Variants in NPHP1 observed in about 807,000 individuals in gnomAD.
NPHP1 encodes the protein nephrocystin-1.
A neutral mutation model predicts 90.4 loss-of-function variants in NPHP1; 70 were observed. The observed-to-expected ratio is 0.77, with a 90% CI of 0.64 to 0.95. NPHP1 has a LOEUF of 0.95. Ranked by LOEUF, NPHP1 falls within the 40% of genes least tolerant of loss-of-function variation. The pLI is 0.00. For missense variants in NPHP1, 764 were observed against 795.9 expected, an observed-to-expected ratio of 0.96 and a Z score of 0.48; for synonymous variants, 256 against 271.7, an observed-to-expected ratio of 0.94 and a Z score of 0.57.
At chr2:110,125,254 T>C (rs1679265271) in intron 19 of NPHP1, 9 of 1,536,304 alleles carry the variant, frequency 5.9e-6, no homozygotes, top group Non-Finnish European at 7.8e-6. Flanking sequence ...GAGCAATGCA[T>C]TGTTTTCAAT....
At chr2:110,197,671 C>T (rs936757023) in intron 2 of NPHP1, among the ~76,000 whole-genome samples, 5 of 152,084 alleles carry the variant, frequency 3.3e-5, no homozygotes, top group African/African-American at 1.2e-4. Flanking sequence ...CAAAGGATGG[C>T]AGAGTGGAAT....
At position 110,168,394 on chromosome 2, in the gene NPHP1, T is replaced by C. The variant is rs1042218128; in HGVS notation, c.624+58A>G. ...TGACAAAAGAACACAGCTAAATGTT[T>C]TATTAAAAGCGAAAAAAAAAAAAGT... On this transcript the variant is annotated intron_variant, in intron 6 of 19. Transcript: ENST00000445609. 4.7e-6 allele frequency: 5 copies of C among 1,063,836 alleles called. No individual in the cohort carries two copies. The Admixed American group carries it at 5.4e-5, about 11-fold the overall frequency. 65.9% of individuals were successfully genotyped at this position (1,063,836 alleles called of 1,614,324 possible).
At chr2:110,159,141 G>A (rs1355697912) in intron 11 of NPHP1, among the ~76,000 whole-genome samples, 1 of 151,980 alleles carries the variant, frequency 6.6e-6, no homozygotes, top group Non-Finnish European at 1.5e-5. Context: ...AATTGGTTAT[G>A]ACATAATGTC....
At chr2:110,139,647 T>C (rs1421528739) in intron 16 of NPHP1, among the ~76,000 whole-genome samples, 1 of 152,204 alleles carries the variant, frequency 6.6e-6, no homozygotes, top group Non-Finnish European at 1.5e-5. Flanking sequence ...AAATGGGCAC[T>C]AATGCAAACT....
At chr2:110,143,961 A>T (rs916161015) in intron 15 of NPHP1, 6 of 364,738 alleles carry the variant, frequency 1.6e-5, no homozygotes, top group African/African-American at 1.0e-4. Context: ...TGGGGTCAGC[A>T]GAGGTGGCAT....
At chr2:110,196,448 C>G (rs1406310721) in intron 2 of NPHP1, among the ~76,000 whole-genome samples, 1 of 152,116 alleles carries the variant, frequency 6.6e-6, no homozygotes, top group East Asian at 1.9e-4. Flanking sequence ...ATCAAAACCA[C>G]AATGAGATAC....
At chr2:110,156,226 T>G (rs1287507365) in intron 11 of NPHP1, among the ~76,000 whole-genome samples, 3 of 151,910 alleles carry the variant, frequency 2.0e-5, no homozygotes, top group African/African-American at 7.3e-5. Flanking sequence ...TACAGGCACA[T>G]GCCACCATGG....
chr2:110,141,015 A>G lies in NPHP1; in HGVS notation c.1529+2527T>C, dbSNP rs561478414. 6.6e-5 allele frequency among the ~76,000 whole-genome samples: 10 copies of G among 152,302 alleles called. No individual in the cohort carries two copies. The East Asian group carries it at 1.7e-3, about 26-fold the overall frequency. ...CTTCCCTACTTCTTAATAATCTGTG[A>G]GCAATGAGCAGGTCATGGTGGGACA... On this transcript the variant is annotated intron_variant, in intron 16 of 19. Transcript: ENST00000445609.
chr2:110,150,545 C>T (rs1324425033), intron 11 of NPHP1, among the ~76,000 whole-genome samples: 1 of 151,726 alleles, frequency 6.6e-6, no homozygotes, highest in Non-Finnish European at 1.5e-5. Context: ...GTAAAAATGG[C>T]CTTTTATTTA....
rs566462087 is a variant in NPHP1 at position 110,174,699 on chromosome 2, G to A, written c.329+3724C>T. 3.4e-4 allele frequency among the ~76,000 whole-genome samples: 51 copies of A among 151,554 alleles called. 4 individuals carry two copies. The South Asian group carries it at 8.8e-3, about 26-fold the overall frequency. ...CAGCAAAAAATTTGAGTTGTCTGGC[G>A]TACACATTCCCAACTGAAGCTGAAC... On this transcript the variant is annotated intron_variant, in intron 4 of 19. Coordinates refer to ENST00000445609, the MANE Select transcript of NPHP1 (RefSeq NM_001128178.3).
Position 110,129,181 on chromosome 2 carries a change from C to T in NPHP1, c.1716+5G>A. On this transcript the variant is annotated splice_donor_5th_base_variant and intron_variant, in intron 18 of 19. Coordinates refer to ENST00000445609, the MANE Select transcript of NPHP1 (RefSeq NM_001128178.3). ...CAGGTTTCCATTGCAATGCATGCTACCCACCCTGAGAGCATCCATCACATC... is the reference window on the plus strand; with the variant it reads ...CAGGTTTCCATTGCAATGCATGCTATCCACCCTGAGAGCATCCATCACATC... 1 of 1,608,758 alleles carries T rather than the reference C, an allele frequency of 6.2e-7. No individual in the cohort carries two copies. Among genetic ancestry groups the T allele is most frequent in the South Asian group, 1.1e-5 (1 of 90,560 alleles).
intron 11 of NPHP1, among the ~76,000 whole-genome samples, chr2:110,157,118 C>T (rs1035471579): frequency 6.6e-6 from 1 of 152,120 alleles, no homozygotes; most frequent in Non-Finnish European, 1.5e-5. Flanking sequence ...ATTAAAGAAG[C>T]ACTCTTACAT....
intron 4 of NPHP1, among the ~76,000 whole-genome samples, chr2:110,172,982 C>T (rs1420084941): frequency 5.3e-5 from 7 of 131,428 alleles, no homozygotes; most frequent in East Asian, 4.2e-4. Context: ...TTTTTTGAGA[C>T]GGTGTCTCAT....
At chr2:110,166,947 G>A (rs887574706) in intron 6 of NPHP1, among the ~76,000 whole-genome samples, 2 of 152,012 alleles carry the variant, frequency 1.3e-5, no homozygotes, top group Non-Finnish European at 1.5e-5. Flanking sequence ...GAGAAGTGCT[G>A]TAAATGTAAA....
intron 16 of NPHP1, 81 bp from the exon 17 acceptor site, chr2:110,131,872 T>A (rs1679810373): frequency 2.1e-6 from 2 of 945,104 alleles, no homozygotes; most frequent in Non-Finnish European, 3.3e-6. Flanking sequence ...ATTACTTTAA[T>A]AAACAGTCCC....
At chr2:110,179,770 C>A (rs1253552629) in intron 2 of NPHP1, 86 bp from the exon 3 acceptor site, 4 of 667,046 alleles carry the variant, frequency 6.0e-6, no homozygotes, top group Non-Finnish European at 1.0e-5. Context: ...AGTCGTTGAG[C>A]AGGCAAGGCA....
In NPHP1 at chr2:110,129,170, A is replaced by G. The variant is rs1266408093; in HGVS notation, c.1716+16T>C. 6.2e-7 allele frequency: 1 copy of G among 1,601,596 alleles called. No individual in the cohort carries two copies. The highest frequency in any genetic ancestry group is 8.6e-7 in the Non-Finnish European group (1 of 1,169,454). On this transcript the variant is annotated intron_variant, in intron 18 of 19. Coordinates refer to ENST00000445609, the MANE Select transcript of NPHP1 (RefSeq NM_001128178.3). ...CCATAAGCCAGCAGGTTTCCATTGC[A>G]ATGCATGCTACCCACCCTGAGAGCA...
Position 110,184,296 on chromosome 2 carries a change from A to G in NPHP1, c.144-4612T>C, listed in dbSNP as rs909908872. On this transcript the variant is annotated intron_variant, in intron 2 of 19. Coordinates refer to ENST00000445609, the MANE Select transcript of NPHP1 (RefSeq NM_001128178.3). ...CTATCTCACGGAGCATGGCATTGTC[A>G]AGGACTGGAACGACATGGAACACAT... 2.3e-5 allele frequency: 14 copies of G among 599,328 alleles called. No homozygotes were observed. In the African/African-American group the frequency reaches 2.6e-4, roughly 11 times the overall value. 37.1% of individuals were successfully genotyped at this position (599,328 alleles called of 1,614,324 possible). A position where few individuals can be genotyped will look rare whatever the true frequency, so the allele number is the denominator to read the frequency against.
Position 110,137,996 on chromosome 2 carries a change from T to TA in NPHP1, c.1529+5545dup, listed in dbSNP as rs1559051593. On this transcript the variant is annotated intron_variant, in intron 16 of 19. Transcript: ENST00000445609. ...TACACCATGGAATACTATGCAGCCA[T>TA]AAAAAATGATGAGTTCATGTCCTTT... Among the ~76,000 whole-genome samples the TA allele has an allele frequency of 4.0e-5, 6 of 151,748 alleles. No individual in the cohort carries two copies. In the South Asian group the frequency reaches 1.3e-3, roughly 32 times the overall value.
Sources: allele counts gnomAD v4.1 joint callset (sites outside exome capture counted in the v4.1 genomes callset), GRCh38; gene constraint gnomAD v4.1.1; transcripts MANE v1.5; gene names NCBI Gene and HGNC (gene_info 2026-07-23, HGNC 2026-07-21).